Variants in DGKB observed in about 807,000 individuals in gnomAD.
DGKB encodes the protein diacylglycerol kinase beta.
In DGKB, 67 loss-of-function variants were observed where a neutral mutation model predicts 114.3. The ratio of observed to expected loss-of-function variants is 0.59; its 90% CI spans 0.48 to 0.72. DGKB has a LOEUF of 0.72. Ranked by LOEUF, DGKB falls within the 30% of genes least tolerant of loss-of-function variation. The probability of loss-of-function intolerance (pLI) is 0.00; values close to 1 mark genes in which losing one functional copy is unlikely to be tolerated. For missense variants in DGKB, 907 were observed against 975.2 expected (o/e 0.93, Z 0.93); for synonymous variants, 398 against 323.1 (o/e 1.23, Z -2.49).
intron 21 of DGKB, among the ~76,000 whole-genome samples, chr7:14,367,581 T>C (rs909071841): frequency 1.3e-5 from 2 of 152,072 alleles, no homozygotes. Context: ...ATTAGCAGTA[T>C]GAGAATGGAC....
intron 25 of DGKB, among the ~76,000 whole-genome samples, chr7:14,166,356 G>C (rs1341495999): frequency 6.6e-6 from 1 of 152,014 alleles, no homozygotes; most frequent in East Asian, 1.9e-4. Flanking sequence ...TCTCAAATTG[G>C]GTATGTTTTA....
chr7:14,815,864 G>C (rs577483474), intron 2 of DGKB, among the ~76,000 whole-genome samples: 2 of 152,154 alleles, frequency 1.3e-5, no homozygotes, highest in Non-Finnish European at 2.9e-5. Flanking sequence ...GCATTCCCTG[G>C]ACCAGATCTG....
At chr7:14,895,896 T>C (rs73287440) in intron 1 of DGKB, among the ~76,000 whole-genome samples, 230 of 151,826 alleles carry the variant, frequency 1.5e-3, no homozygotes, top group African/African-American at 4.9e-3. Flanking sequence ...AACAGATTCA[T>C]TGGTCAAGAG....
chr7:14,159,407 A>T (rs547903059), intron 25 of DGKB, among the ~76,000 whole-genome samples: 1 of 152,192 alleles, frequency 6.6e-6, no homozygotes, highest in Non-Finnish European at 1.5e-5. Flanking sequence ...ACCCTGTCAC[A>T]GTATAATAGT....
At chr7:14,381,958 T>C (rs1015065860) in intron 21 of DGKB, among the ~76,000 whole-genome samples, 1 of 152,238 alleles carries the variant, frequency 6.6e-6, no homozygotes, top group Non-Finnish European at 1.5e-5. Context: ...AAGTTTTTGT[T>C]ATAGTAAAAT....
chr7:14,615,538 T>G (rs2128802350), intron 15 of DGKB, among the ~76,000 whole-genome samples: 1 of 151,912 alleles, frequency 6.6e-6, no homozygotes, highest in African/African-American at 2.4e-5. Context: ...TACAAAATCT[T>G]GATGTAATTT....
intron 2 of DGKB, among the ~76,000 whole-genome samples, chr7:14,769,280 A>AAGAAAGAAAGAAAG (rs562853033): frequency 1.4e-5 from 2 of 147,392 alleles, no homozygotes; most frequent in East Asian, 4.1e-4. Flanking sequence ...GAAAGAAAGA[A>AAGAAAGAAAGAAAG]AGATTTTGTA....
chr7:14,202,633 A>G (rs1055342079), intron 23 of DGKB, among the ~76,000 whole-genome samples: 1 of 152,014 alleles, frequency 6.6e-6, no homozygotes, highest in Non-Finnish European at 1.5e-5. Context: ...CAATATAAAA[A>G]AATATTATAT....
At chr7:14,909,777 G>GT (rs548855194) in intron 1 of DGKB, among the ~76,000 whole-genome samples, 37 of 152,092 alleles carry the variant, frequency 2.4e-4, no homozygotes, top group East Asian at 2.3e-3. Flanking sequence ...AGGTGGAATA[G>GT]TTTTTTTTAT....
chr7:14,573,956 A>C (rs1307472210), intron 20 of DGKB, among the ~76,000 whole-genome samples: 1 of 152,134 alleles, frequency 6.6e-6, no homozygotes, highest in African/African-American at 2.4e-5. Context: ...TAAACCAATT[A>C]CAAAGAATAT....
intron 16 of DGKB, among the ~76,000 whole-genome samples, chr7:14,613,125 T>C (rs538977575): frequency 1.3e-5 from 2 of 152,224 alleles, no homozygotes; most frequent in South Asian, 4.1e-4. Context: ...TTCAAACACC[T>C]GAGCTATAAT....
At chr7:14,435,416 T>A (rs983118926) in intron 21 of DGKB, among the ~76,000 whole-genome samples, 1 of 152,032 alleles carries the variant, frequency 6.6e-6, no homozygotes, top group East Asian at 1.9e-4. Context: ...TTGGTCAGTA[T>A]CTCATGTCAA....
At chr7:14,149,321 T>A (rs1246695787) in intron 25 of DGKB, 83 bp from the exon 26 acceptor site, 4 of 947,720 alleles carry the variant, frequency 4.2e-6, no homozygotes, top group Non-Finnish European at 6.4e-6. Flanking sequence ...GACTCTCTGT[T>A]AAGGTTAATA....
intron 8 of DGKB, among the ~76,000 whole-genome samples, chr7:14,696,772 G>A (rs964586226): frequency 2.0e-5 from 3 of 152,078 alleles, no homozygotes; most frequent in Admixed American, 2.0e-4. Context: ...ACATACAAAT[G>A]ACAACCTGTT....
intron 21 of DGKB, among the ~76,000 whole-genome samples, chr7:14,449,050 A>G (rs1422513876): frequency 1.3e-5 from 2 of 152,074 alleles, no homozygotes; most frequent in Non-Finnish European, 2.9e-5. Context: ...TACATATAAA[A>G]ACTACAGAGT....
At chr7:14,639,760 T>G (rs1811396652) in intron 13 of DGKB, among the ~76,000 whole-genome samples, 1 of 152,230 alleles carries the variant, frequency 6.6e-6, no homozygotes, top group Non-Finnish European at 1.5e-5. Context: ...GTTTTGTTTT[T>G]GTTTTTGTTT....
intron 21 of DGKB, among the ~76,000 whole-genome samples, chr7:14,391,852 T>C (rs1563085955): frequency 6.6e-6 from 1 of 152,180 alleles, no homozygotes; most frequent in Non-Finnish European, 1.5e-5. Context: ...TAAAATTGCG[T>C]TGGAATGATA....
intron 20 of DGKB, among the ~76,000 whole-genome samples, chr7:14,535,456 C>T (rs959404602): frequency 2.0e-5 from 3 of 150,534 alleles, no homozygotes; most frequent in African/African-American, 7.3e-5. Flanking sequence ...AACTTTATAC[C>T]TCAAGTAACT....
At chr7:14,198,372 TG>T (rs1409987466) in intron 23 of DGKB, among the ~76,000 whole-genome samples, 1 of 152,028 alleles carries the variant, frequency 6.6e-6, no homozygotes, top group Non-Finnish European at 1.5e-5. Flanking sequence ...TTGTTGAGGC[TG>T]GCAGAAGACA....
Sources: gnomAD v4.1 joint callset for allele counts (sites outside exome capture counted in the v4.1 genomes callset) on GRCh38, gnomAD v4.1.1 for gene constraint, MANE v1.5 for transcripts, NCBI Gene and HGNC (gene_info 2026-07-23, HGNC 2026-07-21) for gene names.